ANKRD6: variants seen among roughly 807,000 people sequenced by gnomAD.
ANKRD6 encodes ankyrin repeat domain 6, also known as ankyrin repeat domain-containing protein 6.
In ANKRD6, 56 loss-of-function variants were observed where a neutral mutation model predicts 82.3. That is an observed-to-expected ratio of 0.68 (90% confidence interval 0.55 to 0.85). ANKRD6 has a LOEUF of 0.85. Among genes scored for constraint, ANKRD6 ranks in the 40% least tolerant of loss-of-function variants. ANKRD6 has a pLI of 0.00. For missense variants in ANKRD6, 852 were observed against 907.6 expected (o/e 0.94, Z 0.79); for synonymous variants, 347 against 352.1 (o/e 0.99, Z 0.16).
intron 1 of ANKRD6, among the ~76,000 whole-genome samples, chr6:89,471,998 A>C (rs906414202): frequency 1.3e-5 from 2 of 150,676 alleles, no homozygotes; most frequent in Non-Finnish European, 2.9e-5. Context: ...AAGTGAAGTC[A>C]TAAGTGTAGA....
In ANKRD6 at chr6:89,495,231, T is replaced by TCAAAACAAAA. The variant is rs61057432; in HGVS notation, c.-144+61879_-144+61888dup. 1.8e-3 allele frequency among the ~76,000 whole-genome samples: 276 copies of TCAAAACAAAA among 152,112 alleles called. 1 individual carries two copies. The highest frequency in any genetic ancestry group is 6.2e-3 in the African/African-American group (257 of 41,476). Reference sequence around the variant, plus strand: ...CTGGGCAACAGAGCGAGACTCCATCTCAAAACAAAACAAAACAAAACAAAA... The same window carrying TCAAAACAAAA: ...CTGGGCAACAGAGCGAGACTCCATCTCAAAACAAAACAAAACAAAACAAAACAAAACAAAA... On this transcript the variant is annotated intron_variant, in intron 1 of 15. Transcript: ENST00000339746.
intron 2 of ANKRD6, among the ~76,000 whole-genome samples, chr6:89,586,732 T>C (rs969552597): frequency 1.9e-4 from 29 of 151,070 alleles, no homozygotes; most frequent in African/African-American, 7.0e-4. Context: ...CTGTGAGGAG[T>C]GTGTGGGCCA....
intron 1 of ANKRD6, chr6:89,561,446 T>A (rs1434639816): frequency 6.6e-6 from 1 of 152,256 alleles, no homozygotes; most frequent in Non-Finnish European, 1.5e-5. Flanking sequence ...GAGCAGTCAG[T>A]GCTGAGTGTC....
intron 8 of ANKRD6, among the ~76,000 whole-genome samples, chr6:89,617,577 G>A (rs919928608): frequency 1.3e-5 from 2 of 152,206 alleles, no homozygotes; most frequent in Non-Finnish European, 2.9e-5. Flanking sequence ...CCTCTGTGGT[G>A]TTTCCCCAAC....
intron 1 of ANKRD6, among the ~76,000 whole-genome samples, chr6:89,479,922 A>G (rs1776584256): frequency 6.6e-6 from 1 of 152,140 alleles, no homozygotes; most frequent in Non-Finnish European, 1.5e-5. Flanking sequence ...TAGTCTTTAT[A>G]TTGTTTGGGG....
At chr6:89,615,262 C>T (rs757592663) in intron 7 of ANKRD6, among the ~76,000 whole-genome samples, 1 of 152,152 alleles carries the variant, frequency 6.6e-6, no homozygotes, top group African/African-American at 2.4e-5. Flanking sequence ...ATTAAGAATA[C>T]TGTTCCTGGA....
chr6:89,578,180 T>C (rs148560167), intron 2 of ANKRD6, among the ~76,000 whole-genome samples: 2 of 152,088 alleles, frequency 1.3e-5, no homozygotes, highest in African/African-American at 4.8e-5. Context: ...TCTCCACAAA[T>C]GTATGCTTTC....
rs569938962 is a variant in ANKRD6, at chr6:89,596,784, T to C, written c.219+770T>C. On this transcript the variant is annotated intron_variant, in intron 3 of 15. Transcript: ENST00000339746. ...GGTGGTTCTCTAAGAAAGGACCATA[T>C]AAATTGTCCTCCAACAGCTATTAGG... Among the ~76,000 whole-genome samples the C allele has an allele frequency of 3.9e-4, 60 of 152,342 alleles. 1 individual carries two copies. Among genetic ancestry groups the C allele is most frequent in the African/African-American group, 1.3e-3 (56 of 41,578 alleles).
At position 89,519,169 on chromosome 6, in the gene ANKRD6, A is replaced by G. The variant is rs767506571; in HGVS notation, c.-143-47665A>G. Among the ~76,000 whole-genome samples, 73 of 152,316 alleles carry G rather than the reference A, an allele frequency of 4.8e-4. 1 individual carries two copies. Among genetic ancestry groups the G allele is most frequent in the Non-Finnish European group, 9.3e-4 (63 of 68,028 alleles). The stretch of plus-strand genomic sequence containing the variant: ...GCGTATGAATTTTGGAGGGAGACAC[A>G]ATTCAGTCTATTAACAGAAGCTATT... On this transcript the variant is annotated intron_variant, in intron 1 of 15. Coordinates refer to ENST00000339746, the MANE Select transcript of ANKRD6 (RefSeq NM_001242809.2).
intron 2 of ANKRD6, among the ~76,000 whole-genome samples, chr6:89,579,667 G>A (rs1792018917): frequency 7.2e-6 from 1 of 139,438 alleles, no homozygotes; most frequent in East Asian, 2.3e-4. Context: ...TGAGGCAGGA[G>A]AATTGCTTGA....
At chr6:89,569,676 T>A (rs528444610) in intron 2 of ANKRD6, among the ~76,000 whole-genome samples, 13 of 152,362 alleles carry the variant, frequency 8.5e-5, no homozygotes, top group Admixed American at 2.6e-4. Flanking sequence ...CAAGCTATTT[T>A]CCAGAATACC....
chr6:89,545,461 A>G (rs1437813881), intron 1 of ANKRD6, among the ~76,000 whole-genome samples: 7 of 152,182 alleles, frequency 4.6e-5, no homozygotes, highest in African/African-American at 1.4e-4. Context: ...TCTACTGGTC[A>G]TAGCAGCAGT....
chr6:89,455,816 G>A (rs1406152648), intron 1 of ANKRD6, among the ~76,000 whole-genome samples: 2 of 151,992 alleles, frequency 1.3e-5, no homozygotes, highest in African/African-American at 4.8e-5. Context: ...CTGCAGAACC[G>A]TGAACCAATT....
At chr6:89,506,188 G>A (rs1201523811) in intron 1 of ANKRD6, among the ~76,000 whole-genome samples, 1 of 151,966 alleles carries the variant, frequency 6.6e-6, no homozygotes, top group Non-Finnish European at 1.5e-5. Flanking sequence ...TGCAAGGAGA[G>A]TAGATCTTAA....
chr6:89,570,816 C>T (rs980825486), intron 2 of ANKRD6, among the ~76,000 whole-genome samples: 5 of 152,188 alleles, frequency 3.3e-5, no homozygotes, highest in Non-Finnish European at 5.9e-5. Context: ...GGGTTGCTAC[C>T]GCCTTTTGCC....
chr6:89,481,356 G>C (rs1433415644), intron 1 of ANKRD6, among the ~76,000 whole-genome samples: 9 of 152,156 alleles, frequency 5.9e-5, no homozygotes, highest in African/African-American at 2.2e-4. Context: ...ATTTTTGAGT[G>C]CCAACATGAC....
At chr6:89,455,253 G>T (rs1356599158) in intron 1 of ANKRD6, among the ~76,000 whole-genome samples, 1 of 151,892 alleles carries the variant, frequency 6.6e-6, no homozygotes, top group African/African-American at 2.4e-5. Flanking sequence ...AAGAAAAGAG[G>T]TTTAATTGGC....
chr6:89,559,521 A>C (rs1787085971), intron 1 of ANKRD6, among the ~76,000 whole-genome samples: 1 of 152,270 alleles, frequency 6.6e-6, no homozygotes, highest in Non-Finnish European at 1.5e-5. Context: ...AACTGGGGAC[A>C]GAAAAGCCAG....
intron 1 of ANKRD6, among the ~76,000 whole-genome samples, chr6:89,471,244 C>T (rs990581099): frequency 1.3e-5 from 2 of 151,116 alleles, no homozygotes; most frequent in African/African-American, 4.9e-5. Flanking sequence ...CCCAGCTACT[C>T]GGGAGGCTGA....
Sources: allele counts gnomAD v4.1 joint callset (sites outside exome capture counted in the v4.1 genomes callset), GRCh38; gene constraint gnomAD v4.1.1; transcripts MANE v1.5; gene names NCBI Gene and HGNC (gene_info 2026-07-23, HGNC 2026-07-21).